The following HSD17B11 variants were observed in gnomAD, a reference collection of about 807,000 sequenced individuals.
The protein encoded by HSD17B11 is estradiol 17-beta-dehydrogenase 11.
In HSD17B11, 22 loss-of-function variants were observed where a neutral mutation model predicts 27.8. That is an observed-to-expected ratio of 0.79 (90% CI 0.56 to 1.13). The LOEUF is 1.13. Among genes scored for constraint, HSD17B11 ranks in the 50% most tolerant of loss-of-function variants. HSD17B11 has a pLI of 0.00. For missense variants in HSD17B11, 314 were observed against 351.1 expected (o/e 0.89, Z 0.84); for synonymous variants, 117 against 132.8 (o/e 0.88, Z 0.82).
At chr4:87,384,252 C>G (rs1720246911) in intron 1 of HSD17B11, among the ~76,000 whole-genome samples, 1 of 152,180 alleles carries the variant, frequency 6.6e-6, no homozygotes, top group African/African-American at 2.4e-5. Flanking sequence ...ATCTCTTAAT[C>G]CTGTTATCTT....
At chr4:87,375,880 T>A (rs2110126812) in intron 2 of HSD17B11, among the ~76,000 whole-genome samples, 1 of 152,350 alleles carries the variant, frequency 6.6e-6, no homozygotes, top group South Asian at 2.1e-4. Context: ...TCGCTCTCCA[T>A]TAGGTGGCAG....
intron 2 of HSD17B11, among the ~76,000 whole-genome samples, chr4:87,378,960 A>ATATATT (rs1720051475): frequency 1.6e-4 from 4 of 25,608 alleles, no homozygotes; most frequent in African/African-American, 9.1e-4. Context: ...ATATATATAT[A>ATATATT]TTTTTTTTTT....
chr4:87,381,186 C>CAAA (rs58998729), intron 2 of HSD17B11, among the ~76,000 whole-genome samples: 8 of 114,310 alleles, frequency 7.0e-5, no homozygotes, highest in African/African-American at 1.3e-4. Flanking sequence ...GACTCCATTT[C>CAAA]AAAAAAAAAA....
intron 2 of HSD17B11, among the ~76,000 whole-genome samples, chr4:87,376,096 C>G (rs1268283414): frequency 2.0e-5 from 3 of 152,236 alleles, no homozygotes; most frequent in African/African-American, 7.2e-5. Flanking sequence ...CTAGTACACA[C>G]AGTAAACTGC....
At chr4:87,337,855 C>T (rs1039055809) in intron 6 of HSD17B11, among the ~76,000 whole-genome samples, 5 of 152,194 alleles carry the variant, frequency 3.3e-5, no homozygotes, top group Non-Finnish European at 7.3e-5. Context: ...AAATTCCTCA[C>T]GTGTAAATGG....
At chr4:87,380,863 CAAAAAAAAAAAAAAAAA>C (rs561938045) in intron 2 of HSD17B11, among the ~76,000 whole-genome samples, 1 of 74,702 alleles carries the variant, frequency 1.3e-5, no homozygotes. Flanking sequence ...GACTCTATCT[CAAAAAAAAAAAAAAAAA>C]AAAAAAAAAA....
chr4:87,375,146 A>G (rs1344389480), intron 2 of HSD17B11, among the ~76,000 whole-genome samples: 2 of 152,136 alleles, frequency 1.3e-5, no homozygotes, highest in Non-Finnish European at 2.9e-5. Context: ...TGATCTGCCC[A>G]CCTCAGCCTC....
intron 5 of HSD17B11, among the ~76,000 whole-genome samples, chr4:87,353,068 A>T (rs1259699128): frequency 7.5e-6 from 1 of 132,756 alleles, no homozygotes; most frequent in Non-Finnish European, 1.6e-5. Context: ...GAAATGCAGA[A>T]ATCACCGTCT....
Position 87,342,377 on chromosome 4 carries a change from G to A in HSD17B11, c.696-1771C>T, listed in dbSNP as rs556850054. On this transcript the variant is annotated intron_variant, in intron 5 of 6. Transcript: ENST00000358290. ...AGCCTGGGCAACAAAGTGAAACTTC[G>A]CTGCAAAAAAAAAAAAAAAAAAGAA... 6.5e-4 allele frequency among the ~76,000 whole-genome samples: 89 copies of A among 136,142 alleles called. 4 individuals are homozygous for A. In the South Asian group the frequency reaches 0.019, roughly 30 times the overall value. 89.3% of individuals were successfully genotyped at this position (136,142 alleles called of 152,430 possible).
At chr4:87,382,751 A>G (rs1720208631) in intron 1 of HSD17B11, among the ~76,000 whole-genome samples, 1 of 152,356 alleles carries the variant, frequency 6.6e-6, no homozygotes, top group East Asian at 1.9e-4. Flanking sequence ...TACTGTCTGC[A>G]AAAGAAATAA....
intron 2 of HSD17B11, among the ~76,000 whole-genome samples, chr4:87,379,440 A>C (rs1013260815): frequency 2.7e-5 from 4 of 148,274 alleles, no homozygotes; most frequent in African/African-American, 7.4e-5. Flanking sequence ...TTACTTGGGC[A>C]GATTCCTGGA....
chr4:87,390,323 AT>A (rs1232763923), intron 1 of HSD17B11, among the ~76,000 whole-genome samples: 1 of 151,134 alleles, frequency 6.6e-6, no homozygotes. Context: ...CGCCCGGCTA[AT>A]TTTTTTTTGG....
rs1238749425 is a variant in HSD17B11, at chr4:87,382,249, T to C, written c.318+6A>G. On this transcript the variant is annotated splice_donor_region_variant and intron_variant, in intron 2 of 6. Transcript: ENST00000358290. Reference sequence around the variant, plus strand: ...GATATGATTCTAACTAAACACAACATTTCACCTTCTTTGCAGAGCTGTAAA... The same window carrying C: ...GATATGATTCTAACTAAACACAACACTTCACCTTCTTTGCAGAGCTGTAAA... 1.9e-6 allele frequency: 3 copies of C among 1,604,048 alleles called. No homozygotes were observed. The highest frequency in any genetic ancestry group is 1.7e-6 in the Non-Finnish European group (2 of 1,171,024).
At position 87,337,093 on chromosome 4, in the gene HSD17B11, T is replaced by C; in HGVS notation, c.*183A>G. ...CTCTAAAGGTATTTCTCTGTTTATA[T>C]CATATGTAATCAGCTTTTGGCTAAA... is the stretch of plus-strand genomic sequence containing the variant. On this transcript the variant is annotated 3_prime_UTR_variant, in exon 7 of 7. Coordinates refer to ENST00000358290, the MANE Select transcript of HSD17B11 (RefSeq NM_016245.5). The C allele has an allele frequency of 1.6e-6, 1 of 613,030 alleles. No homozygotes were observed. Among genetic ancestry groups the C allele is most frequent in the South Asian group, 2.0e-5 (1 of 51,096 alleles). The allele number at this position is 613,030 out of a possible 1,614,324, so 38.0% of individuals were successfully genotyped here. A position where few individuals can be genotyped will look rare whatever the true frequency, so the allele number is the denominator to read the frequency against.
At position 87,340,499 on chromosome 4, in the gene HSD17B11, GT is replaced by G; in HGVS notation, c.802del (p.Thr268HisfsTer14). On this transcript the variant is annotated frameshift_variant, in exon 6 of 7. Transcript: ENST00000358290. LOFTEE classifies it low-confidence loss of function (END_TRUNC). ...CTTAACTGTCACTTACCTTTCCAAT[GT>G]TGTTAAAAAAGCTATAGAAGATGGA... ...FIPSSIAFLT[T>X]LERILPERFL... 1 of 1,590,602 alleles carries G rather than the reference GT, an allele frequency of 6.3e-7. No homozygotes were observed. Among genetic ancestry groups the G allele is most frequent in the Non-Finnish European group, 8.6e-7 (1 of 1,164,168 alleles).
In HSD17B11 at chr4:87,369,796, G is replaced by C. The variant is rs548865110; in HGVS notation, c.557+2913C>G. 7.8e-4 allele frequency among the ~76,000 whole-genome samples: 118 copies of C among 152,220 alleles called. 2 individuals are homozygous for C. In the South Asian group the frequency reaches 0.024, roughly 31 times the overall value. On this transcript the variant is annotated intron_variant, in intron 4 of 6. Coordinates refer to ENST00000358290, the MANE Select transcript of HSD17B11 (RefSeq NM_016245.5). ...CTAATGTTCAGAACTCAGTTTTACT[G>C]AGCGTTCCCATACTGGCAACTTTTC...
chr4:87,389,986 G>T (rs1720414481), intron 1 of HSD17B11, among the ~76,000 whole-genome samples: 1 of 152,052 alleles, frequency 6.6e-6, no homozygotes, highest in South Asian at 2.1e-4. Context: ...TTGAGACAGG[G>T]TCTCACTCTG....
At chr4:87,346,682 T>C (rs958744220) in intron 5 of HSD17B11, among the ~76,000 whole-genome samples, 1 of 152,040 alleles carries the variant, frequency 6.6e-6, no homozygotes, top group Non-Finnish European at 1.5e-5. Context: ...GAAAATATTA[T>C]TGTTGGCCAA....
chr4:87,391,170 G>A lies in HSD17B11; in HGVS notation c.-100C>T. On this transcript the variant is annotated 5_prime_UTR_variant, in exon 1 of 7. Coordinates refer to ENST00000358290, the MANE Select transcript of HSD17B11 (RefSeq NM_016245.5). ...CGATCTAACACCAGAAAGAGTAGGGGCGAGAGCAAGGAGGAACTCCCGTAT... is the reference window on the plus strand; with the variant it reads ...CGATCTAACACCAGAAAGAGTAGGGACGAGAGCAAGGAGGAACTCCCGTAT... 1 of 835,390 alleles carries A rather than the reference G, an allele frequency of 1.2e-6. No homozygotes were observed. Among genetic ancestry groups the A allele is most frequent in the Non-Finnish European group, 1.9e-6 (1 of 538,178 alleles). The allele number at this position is 835,390 out of a possible 1,614,324, so 51.7% of individuals were successfully genotyped here.
Sources: allele counts gnomAD v4.1 joint callset (sites outside exome capture counted in the v4.1 genomes callset), GRCh38; gene constraint gnomAD v4.1.1; transcripts MANE v1.5; gene names NCBI Gene and HGNC (gene_info 2026-07-23, HGNC 2026-07-21).